The following ANO1 variants were observed in gnomAD, a reference collection of about 807,000 sequenced individuals.
The protein encoded by ANO1 is anoctamin 1, also known as anoctamin-1.
A neutral mutation model predicts 124.0 loss-of-function variants in ANO1; 59 were observed. That is an observed-to-expected ratio of 0.48 (90% CI 0.39 to 0.59). The LOEUF (loss-of-function observed/expected upper bound fraction) is 0.59. ANO1 is among the 20% of genes least tolerant of loss of function. ANO1 has a pLI of 0.00. For synonymous variants in ANO1, 529 were observed against 532.0 expected, an observed-to-expected ratio of 0.99 and a Z score of 0.08; for missense variants, 1,059 against 1,328.0, an observed-to-expected ratio of 0.80 and a Z score of 3.15.
intron 11 of ANO1, among the ~76,000 whole-genome samples, chr11:70,132,327 T>C (rs1475973264): frequency 6.6e-6 from 1 of 151,988 alleles, no homozygotes; most frequent in Non-Finnish European, 1.5e-5. Context: ...GGAGGGACGT[T>C]TTGCTCTGAG....
chr11:70,099,058 G>T (rs1207031182), intron 2 of ANO1, among the ~76,000 whole-genome samples: 2 of 152,142 alleles, frequency 1.3e-5, no homozygotes, highest in Non-Finnish European at 2.9e-5. Context: ...TCCCCTTGCA[G>T]AGCCCCATGG....
intron 13 of ANO1, among the ~76,000 whole-genome samples, 191 bp from the exon 14 acceptor site, chr11:70,152,866 G>A (rs2047661307): frequency 6.6e-6 from 1 of 152,234 alleles, no homozygotes; most frequent in African/African-American, 2.4e-5. Flanking sequence ...CCCCACAAGC[G>A]GGATGATCCT....
At chr11:70,132,106 T>G in intron 11 of ANO1, 27 bp downstream of exon 11, 1 of 1,561,448 alleles carries the variant, frequency 6.4e-7, no homozygotes, top group Non-Finnish European at 8.6e-7. Flanking sequence ...AGCACTGGGT[T>G]TTTGGGCAGT....
At chr11:69,997,992 G>A (rs782542726) in intron 1 of ANO1, among the ~76,000 whole-genome samples, 30 of 152,182 alleles carry the variant, frequency 2.0e-4, no homozygotes, top group Non-Finnish European at 3.7e-4. Flanking sequence ...AGCAGTGCGA[G>A]AATGGCCTAA....
At chr11:70,179,537 C>T (rs2048857800) in intron 22 of ANO1, among the ~76,000 whole-genome samples, 1 of 152,228 alleles carries the variant, frequency 6.6e-6, no homozygotes, top group Non-Finnish European at 1.5e-5. Context: ...GTTCAACCTT[C>T]ACTGCTGTGG....
chr11:69,987,973 G>C (rs1163116147), intron 1 of ANO1, among the ~76,000 whole-genome samples: 1 of 152,312 alleles, frequency 6.6e-6, no homozygotes, highest in East Asian at 1.9e-4. Context: ...TGTGTGTGGG[G>C]TGGAATCGTG....
At chr11:70,061,487 CCT>C (rs1166546489) in intron 1 of ANO1, among the ~76,000 whole-genome samples, 1 of 149,416 alleles carries the variant, frequency 6.7e-6, no homozygotes, top group Non-Finnish European at 1.5e-5. Flanking sequence ...TCCCCCTCCC[CCT>C]CTCTCTTTCT....
chr11:70,009,430 T>C (rs1555000665), intron 1 of ANO1, among the ~76,000 whole-genome samples: 5 of 152,216 alleles, frequency 3.3e-5, no homozygotes, highest in African/African-American at 1.2e-4. Context: ...GCTGCTGTCA[T>C]GTCTGACTGT....
Position 70,126,154 on chromosome 11 carries a change from C to G in ANO1, c.1056C>G (p.Val352=). 3 of 1,613,692 alleles carry G rather than the reference C, an allele frequency of 1.9e-6. No individual in the cohort carries two copies. Among genetic ancestry groups the G allele is most frequent in the Non-Finnish European group, 2.5e-6 (3 of 1,179,760 alleles). The change falls in exon 10 of 26, where the codon GTC becomes GTG. Residue 352 remains valine (V), a synonymous_variant. Coordinates refer to ENST00000355303, the MANE Select transcript of ANO1 (RefSeq NM_018043.7). ...LIPASIVGII[V]FLYGCATMDE... is the part of the protein sequence containing the mutation. Reference sequence around the variant, plus strand: ...CTGCCTCCATCGTGGGAATCATTGTCTTCCTGTACGGATGCGCCACCATGG... The same window carrying G: ...CTGCCTCCATCGTGGGAATCATTGTGTTCCTGTACGGATGCGCCACCATGG...
intron 1 of ANO1, among the ~76,000 whole-genome samples, chr11:70,052,675 C>T (rs965870848): frequency 6.0e-5 from 9 of 150,804 alleles, no homozygotes; most frequent in Non-Finnish European, 1.0e-4. Flanking sequence ...GCCTCAGCTT[C>T]CCAAGTAGCT....
At chr11:70,078,754 C>G (rs2135165208) in intron 1 of ANO1, 40 bp downstream of exon 1, 24 of 1,346,042 alleles carry the variant, frequency 1.8e-5, no homozygotes, top group Non-Finnish European at 2.3e-5. Flanking sequence ...GAGGGCCGCG[C>G]ACCTGCGCCT....
At position 70,036,391 on chromosome 11, in the gene ANO1, C is replaced by A. The variant is rs375146063; in HGVS notation, c.59-42151C>A. Among the ~76,000 whole-genome samples, 10 of 152,256 alleles carry A rather than the reference C, an allele frequency of 6.6e-5. No individual in the cohort carries two copies. In the East Asian group the frequency reaches 1.5e-3, roughly 24 times the overall value. On this transcript the variant is annotated intron_variant, in intron 1 of 27. Coordinates refer to the ANO1 transcript ENST00000531349. ...GATCTCATCTTGAAATTCCTAATTA[C>A]TCTATAAAACCCTCATTTCAAATAA... is the stretch of plus-strand genomic sequence containing the variant.
intron 4 of ANO1, 31 bp from the exon 5 acceptor site, chr11:70,105,703 G>A (rs2045500198): frequency 3.1e-6 from 5 of 1,609,058 alleles, no homozygotes; most frequent in Non-Finnish European, 4.3e-6. Context: ...CTGGTGAACT[G>A]TGTCTTGTTT....
At chr11:70,154,971 G>T (rs970432108) in intron 14 of ANO1, among the ~76,000 whole-genome samples, 2 of 152,198 alleles carry the variant, frequency 1.3e-5, no homozygotes, top group African/African-American at 2.4e-5. Context: ...AAAGCAAAAG[G>T]CCTGGATGCC....
intron 1 of ANO1, chr11:70,085,794 T>C: frequency 8.2e-7 from 1 of 1,221,366 alleles, no homozygotes; most frequent in Non-Finnish European, 1.1e-6. Context: ...TGCTGACTGT[T>C]TGGGGAGGGG....
chr11:70,142,033 G>T lies in ANO1; in HGVS notation c.1259-7677G>T, dbSNP rs566650148. Among the ~76,000 whole-genome samples, 10 of 152,296 alleles carry T rather than the reference G, an allele frequency of 6.6e-5. No homozygotes were observed. The East Asian group carries it at 1.9e-3, about 29-fold the overall frequency. On this transcript the variant is annotated intron_variant, in intron 11 of 25. Coordinates refer to ENST00000355303, the MANE Select transcript of ANO1 (RefSeq NM_018043.7). ...CCAGCTTTCCTGGAGCTGACACGTT[G>T]GTCCCAGAGACTTCAGCTTGCTGCT...
chr11:70,120,671 G>A (rs1431806739), intron 8 of ANO1, among the ~76,000 whole-genome samples: 1 of 152,192 alleles, frequency 6.6e-6, no homozygotes, highest in African/African-American at 2.4e-5. Context: ...TCCCTCTGGT[G>A]TCTCCATTCT....
chr11:70,072,336 C>A (rs1857891928), intron 1 of ANO1: 1 of 152,338 alleles, frequency 6.6e-6, no homozygotes, highest in Non-Finnish European at 1.5e-5. Context: ...GACCCCCAAC[C>A]TGGCAGAGGC....
chr11:70,131,142 G>A (rs1202826294), intron 10 of ANO1, among the ~76,000 whole-genome samples: 1 of 152,212 alleles, frequency 6.6e-6, no homozygotes, highest in African/African-American at 2.4e-5. Flanking sequence ...GTGGCTCAAG[G>A]ATAGGCTGCA....
Sources: gnomAD v4.1 joint callset for allele counts (sites outside exome capture counted in the v4.1 genomes callset) on GRCh38, gnomAD v4.1.1 for gene constraint, MANE v1.5 for transcripts, NCBI Gene and HGNC (gene_info 2026-07-23, HGNC 2026-07-21) for gene names.